CCDC146: variants seen among roughly 807,000 people sequenced by gnomAD.
The protein encoded by CCDC146 is coiled-coil domain-containing protein 146.
In CCDC146, 92 loss-of-function variants were observed where a neutral mutation model predicts 119.3. That is an observed-to-expected ratio of 0.77 (90% CI 0.65 to 0.92). CCDC146 has a LOEUF of 0.92. Ranked by LOEUF, CCDC146 falls within the 40% of genes least tolerant of loss-of-function variation. The probability of loss-of-function intolerance (pLI) is 0.00; values close to 1 mark genes in which losing one functional copy is unlikely to be tolerated. For synonymous variants in CCDC146, 372 were observed against 371.8 expected (o/e 1.00, Z -0.01); for missense variants, 1,000 against 1,103.0 (o/e 0.91, Z 1.32).
chr7:77,131,653 G>A (rs1439677346), intron 1 of CCDC146, among the ~76,000 whole-genome samples: 19 of 152,374 alleles, frequency 1.2e-4, no homozygotes, highest in African/African-American at 4.3e-4. Flanking sequence ...GGGAGGTAGA[G>A]GTTGCAGTGA....
intron 1 of CCDC146, among the ~76,000 whole-genome samples, chr7:77,130,855 C>T (rs1201109113): frequency 1.5e-4 from 22 of 150,270 alleles, no homozygotes; most frequent in Non-Finnish European, 2.7e-4. Context: ...TCTGGGCCTC[C>T]CAAAGTGCTG....
intron 17 of CCDC146, among the ~76,000 whole-genome samples, chr7:77,290,586 C>G (rs1238760099): frequency 6.6e-6 from 1 of 152,084 alleles, no homozygotes; most frequent in Non-Finnish European, 1.5e-5. Context: ...TGAATTGCAC[C>G]AATGCTGCTG....
intron 8 of CCDC146, 91 bp from the exon 9 acceptor site, chr7:77,262,030 A>G: frequency 1.9e-6 from 2 of 1,069,352 alleles, no homozygotes; most frequent in Non-Finnish European, 2.7e-6. Flanking sequence ...TTGGGAGCCA[A>G]TATTCAGCAT....
chr7:77,239,665 C>G lies in CCDC146; in HGVS notation c.240-2026C>G, dbSNP rs1792807521. Among the ~76,000 whole-genome samples, 4 of 152,100 alleles carry G rather than the reference C, an allele frequency of 2.6e-5. 1 individual carries two copies. The South Asian group carries it at 8.3e-4, about 32-fold the overall frequency. On this transcript the variant is annotated intron_variant, in intron 3 of 18. Transcript: ENST00000285871. ...CATACATCAAAAGAGAGCTCTGGCT[C>G]TAAAACAGGAAGTGGTGAGGGCTTA...
rs1190862862 is a variant in CCDC146 at position 77,138,252 on chromosome 7, A to G, written c.-12+15520A>G. 2.6e-5 allele frequency among the ~76,000 whole-genome samples: 4 copies of G among 151,790 alleles called. No homozygotes were observed. In the South Asian group the frequency reaches 6.3e-4, roughly 24 times the overall value. Reference sequence around the variant, plus strand: ...TAAAGGCAATACAATGGAGTAAAAGACAGTATTTTCAACAAATGGTGCTGG... The same window carrying G: ...TAAAGGCAATACAATGGAGTAAAAGGCAGTATTTTCAACAAATGGTGCTGG... On this transcript the variant is annotated intron_variant, in intron 1 of 18. Coordinates refer to ENST00000285871, the MANE Select transcript of CCDC146 (RefSeq NM_020879.3).
At chr7:77,282,206 C>G (rs1298864480) in intron 14 of CCDC146, 1 of 203,716 alleles carries the variant, frequency 4.9e-6, no homozygotes, top group Non-Finnish European at 9.9e-6. Context: ...GTTGGCAAGT[C>G]TGACCCGAGA....
chr7:77,196,226 G>T lies in CCDC146; in HGVS notation c.156+28402G>T. On this transcript the variant is annotated intron_variant, in intron 2 of 18. Coordinates refer to ENST00000285871, the MANE Select transcript of CCDC146 (RefSeq NM_020879.3). This position sits in a 1 kb window ranked among gnomAD's most constrained non-coding sequence, Gnocchi z 4.2. ...ACAAGGCATATTCTAAAGTGCTGAA[G>T]GAATTAATTGCCCTATTAGATAACG... The T allele has an allele frequency of 7.6e-7, 1 of 1,308,930 alleles. No homozygotes were observed. Among genetic ancestry groups the T allele is most frequent in the Non-Finnish European group, 1.1e-6 (1 of 936,094 alleles). 81.1% of individuals were successfully genotyped at this position (1,308,930 alleles called of 1,614,324 possible).
At position 77,278,808 on chromosome 7, in the gene CCDC146, A is replaced by G; in HGVS notation, c.1497A>G (p.Ile499Met). 6.2e-7 allele frequency: 1 copy of G among 1,613,064 alleles called. No homozygotes were observed. The highest frequency in any genetic ancestry group is 1.1e-5 in the South Asian group (1 of 90,964). ...EMKAKDLEIR[I>M]HKKKKCEIYR... The stretch of plus-strand genomic sequence containing the variant: ...AAGCAAAGGATCTTGAAATCAGGAT[A>G]CACAAGAAGAAAAAATGTGAAATTT... Residue 499 changes from isoleucine to methionine, a missense_variant, in exon 12 of 19, where the codon ATA (isoleucine) becomes ATG (methionine). Coordinates refer to ENST00000285871, the MANE Select transcript of CCDC146 (RefSeq NM_020879.3).
intron 2 of CCDC146, among the ~76,000 whole-genome samples, chr7:77,216,621 C>T (rs1191701429): frequency 6.6e-6 from 1 of 152,102 alleles, no homozygotes; most frequent in Non-Finnish European, 1.5e-5. Context: ...CTGGATAACT[C>T]CTCTCTTAGA....
intron 1 of CCDC146, among the ~76,000 whole-genome samples, chr7:77,146,092 C>T: frequency 6.6e-6 from 1 of 151,970 alleles, no homozygotes; most frequent in Non-Finnish European, 1.5e-5. Context: ...CTTTATGAAT[C>T]TGGGTGCTCT....
At chr7:77,188,396 A>C (rs1791705497) in intron 2 of CCDC146, among the ~76,000 whole-genome samples, 1 of 152,190 alleles carries the variant, frequency 6.6e-6, no homozygotes. Context: ...TGCCCAACTA[A>C]AGGTTTATAA....
intron 7 of CCDC146, 71 bp from the exon 8 acceptor site, chr7:77,259,938 A>C: frequency 2.3e-6 from 2 of 871,300 alleles, no homozygotes; most frequent in Non-Finnish European, 3.4e-6. Flanking sequence ...AAAATAAGGC[A>C]AGTGTGTGTG....
chr7:77,221,739 C>T (rs953978499), intron 2 of CCDC146, among the ~76,000 whole-genome samples: 8 of 152,114 alleles, frequency 5.3e-5, no homozygotes, highest in Non-Finnish European at 7.3e-5. Context: ...AATAAGTGCT[C>T]TCATGGAGAA....
chr7:77,146,338 A>G (rs1196448314), intron 1 of CCDC146, among the ~76,000 whole-genome samples: 1 of 152,116 alleles, frequency 6.6e-6, no homozygotes, highest in Non-Finnish European at 1.5e-5. Context: ...TCCTGAATAC[A>G]GCACACCGAT....
chr7:77,264,421 G>A (rs1164886087), intron 9 of CCDC146, among the ~76,000 whole-genome samples: 1 of 152,044 alleles, frequency 6.6e-6, no homozygotes, highest in East Asian at 1.9e-4. Context: ...CCAATACACA[G>A]CTAATTTTTG....
At chr7:77,159,223 C>T (rs1435237040) in intron 1 of CCDC146, among the ~76,000 whole-genome samples, 3 of 152,006 alleles carry the variant, frequency 2.0e-5, no homozygotes, top group African/African-American at 2.4e-5. Flanking sequence ...TTGTTAGCTA[C>T]AGGCACTATG....
At chr7:77,233,150 G>A (rs1203269900) in intron 2 of CCDC146, among the ~76,000 whole-genome samples, 5 of 150,760 alleles carry the variant, frequency 3.3e-5, no homozygotes, top group South Asian at 4.2e-4. Context: ...GTGCAGTGGC[G>A]TGATCTCAGC....
chr7:77,136,826 C>T (rs1226548677), intron 1 of CCDC146, among the ~76,000 whole-genome samples: 1 of 152,056 alleles, frequency 6.6e-6, no homozygotes, highest in East Asian at 1.9e-4. Flanking sequence ...AATTATGGAC[C>T]AATGTCTCCC....
intron 1 of CCDC146, among the ~76,000 whole-genome samples, chr7:77,159,688 C>G (rs1562819021): frequency 6.6e-6 from 1 of 152,134 alleles, no homozygotes; most frequent in Non-Finnish European, 1.5e-5. Flanking sequence ...TTATTTTTTA[C>G]TTTTTGAGGA....
Sources: gnomAD v4.1 joint callset for allele counts (sites outside exome capture counted in the v4.1 genomes callset) on GRCh38, gnomAD v4.1.1 for gene constraint, Gnocchi (gnomAD v3.1) non-coding constraint, MANE v1.5 for transcripts, NCBI Gene and HGNC (gene_info 2026-07-23, HGNC 2026-07-21) for gene names.